Variants in PEAK1 observed in about 807,000 individuals in gnomAD.
PEAK1 encodes the protein inactive tyrosine-protein kinase PEAK1.
A neutral mutation model predicts 124.7 loss-of-function variants in PEAK1; 54 were observed. The observed-to-expected ratio is 0.43, with a 90% CI of 0.35 to 0.54. The LOEUF (loss-of-function observed/expected upper bound fraction) is 0.54. Ranked by LOEUF, PEAK1 falls within the 20% of genes least tolerant of loss-of-function variation. The probability of loss-of-function intolerance (pLI) is 0.01; values close to 1 mark genes in which losing one functional copy is unlikely to be tolerated. For missense variants in PEAK1, 2,046 were observed against 2,134.5 expected (o/e 0.96, Z 0.82); for synonymous variants, 719 against 760.0 (o/e 0.95, Z 0.89).
chr15:77,350,872 C>G (rs2067166170), intron 2 of PEAK1: 5 of 984,990 alleles, frequency 5.1e-6, no homozygotes, highest in Non-Finnish European at 6.0e-6. Flanking sequence ...CTCCATTTCT[C>G]AATCACCTTG....
intron 1 of PEAK1, chr15:77,404,305 C>T: frequency 1.0e-6 from 1 of 985,380 alleles, no homozygotes. Flanking sequence ...ATTGCATCTT[C>T]TGGGGGGAAA....
intron 6 of PEAK1, among the ~76,000 whole-genome samples, chr15:77,246,305 C>T (rs2060584947): frequency 6.6e-6 from 1 of 152,004 alleles, no homozygotes; most frequent in Admixed American, 6.6e-5. Context: ...CTGTGCCTGG[C>T]CCCTGCTGGA....
At chr15:77,349,816 A>G (rs966654739) in intron 2 of PEAK1, 1 of 985,222 alleles carries the variant, frequency 1.0e-6, no homozygotes, top group Non-Finnish European at 1.2e-6. Flanking sequence ...CTGAGGGGAC[A>G]GCCAGGCTGG....
intron 1 of PEAK1, among the ~76,000 whole-genome samples, chr15:77,410,062 G>GGTGT (rs200497359): frequency 6.8e-6 from 1 of 146,952 alleles, no homozygotes; most frequent in African/African-American, 2.5e-5. Context: ...TTTGTTTTTT[G>GGTGT]GTGTGTGTGT....
At chr15:77,189,293 G>A (rs2057710023) in intron 6 of PEAK1, among the ~76,000 whole-genome samples, 1 of 152,182 alleles carries the variant, frequency 6.6e-6, no homozygotes, top group African/African-American at 2.4e-5. Flanking sequence ...TGAAGAAACT[G>A]AAACTTGCCC....
chr15:77,243,613 G>A (rs1387181397), intron 6 of PEAK1, among the ~76,000 whole-genome samples: 1 of 152,220 alleles, frequency 6.6e-6, no homozygotes, highest in African/African-American at 2.4e-5. Flanking sequence ...CTTGCTTTAA[G>A]GAAAGTGTGA....
chr15:77,174,331 T>C (rs548423306), intron 7 of PEAK1, among the ~76,000 whole-genome samples: 3 of 152,306 alleles, frequency 2.0e-5, no homozygotes, highest in African/African-American at 7.2e-5. Context: ...GAAATATTCA[T>C]TTATTTATAG....
At chr15:77,360,328 A>G (rs568746746) in intron 2 of PEAK1, among the ~76,000 whole-genome samples, 7 of 152,196 alleles carry the variant, frequency 4.6e-5, no homozygotes, top group Non-Finnish European at 5.9e-5. Flanking sequence ...TGAATTAGAC[A>G]ATTGTTTCTT....
intron 1 of PEAK1, chr15:77,404,178 G>A (rs2071608368): frequency 1.0e-6 from 1 of 985,248 alleles, no homozygotes; most frequent in Non-Finnish European, 1.2e-6. Context: ...ATTTTATTGA[G>A]GCAAAGGTTT....
Position 77,200,311 on chromosome 15 carries a change from T to C in PEAK1, c.-114-18271A>G, listed in dbSNP as rs149889088. Among the ~76,000 whole-genome samples, 130 of 152,302 alleles carry C rather than the reference T, an allele frequency of 8.5e-4. 6 individuals are homozygous for C. In the South Asian group the frequency reaches 0.021, roughly 25 times the overall value. ...TCGTACATATAGAATACAAAATAAG[T>C]GTTAATCAACTGTTTATATTATTGA... is the stretch of plus-strand genomic sequence containing the variant. On this transcript the variant is annotated intron_variant, in intron 6 of 9. Coordinates refer to ENST00000682557, the MANE Select transcript of PEAK1 (RefSeq NM_001385026.1).
chr15:77,147,688 G>A (rs1265308525), intron 8 of PEAK1, among the ~76,000 whole-genome samples: 1 of 152,158 alleles, frequency 6.6e-6, no homozygotes, highest in Non-Finnish European at 1.5e-5. Context: ...ACAGATCAGA[G>A]TTCATTAAGT....
intron 5 of PEAK1, among the ~76,000 whole-genome samples, chr15:77,257,989 T>G (rs2061249909): frequency 6.6e-6 from 1 of 152,236 alleles, no homozygotes; most frequent in Admixed American, 6.5e-5. Flanking sequence ...TAGGGAATCC[T>G]TTCCCCATTG....
intron 1 of PEAK1, among the ~76,000 whole-genome samples, chr15:77,411,541 T>G (rs183951838): frequency 5.3e-5 from 8 of 152,332 alleles, no homozygotes; most frequent in African/African-American, 1.9e-4. Flanking sequence ...GGTGTTTAAA[T>G]ATAGCTGACA....
chr15:77,268,544 G>T (rs1405687323), intron 5 of PEAK1, among the ~76,000 whole-genome samples: 1 of 151,824 alleles, frequency 6.6e-6, no homozygotes, highest in Admixed American at 6.6e-5. Context: ...AAGAATAATT[G>T]GTGTTTCTGG....
intron 5 of PEAK1, among the ~76,000 whole-genome samples, chr15:77,266,336 C>A (rs2061729465): frequency 6.6e-6 from 1 of 151,954 alleles, no homozygotes; most frequent in African/African-American, 2.4e-5. Context: ...GTATTTACTC[C>A]ACAGAGTGGG....
At chr15:77,393,639 C>T (rs1169493555) in intron 1 of PEAK1, among the ~76,000 whole-genome samples, 1 of 152,204 alleles carries the variant, frequency 6.6e-6, no homozygotes, top group East Asian at 1.9e-4. Flanking sequence ...CTAGGCAGTA[C>T]TTGCCAAGGG....
intron 6 of PEAK1, among the ~76,000 whole-genome samples, chr15:77,243,773 C>T (rs1319991195): frequency 6.6e-6 from 1 of 152,156 alleles, no homozygotes; most frequent in Non-Finnish European, 1.5e-5. Context: ...AGTACTAGAC[C>T]AGCCTGACCA....
intron 5 of PEAK1, among the ~76,000 whole-genome samples, chr15:77,260,232 T>A (rs2061370185): frequency 6.6e-6 from 1 of 152,196 alleles, no homozygotes; most frequent in African/African-American, 2.4e-5. Flanking sequence ...AAGGAATGTT[T>A]AAGCCTAGAA....
intron 5 of PEAK1, among the ~76,000 whole-genome samples, chr15:77,275,856 T>G (rs62008434): frequency 0.3 from 44,668 of 151,306 alleles, 7,179 homozygotes; most frequent in Middle Eastern, 0.4. Flanking sequence ...TACCAACACG[T>G]TGGAAACAAA....
Sources: allele counts gnomAD v4.1 joint callset (sites outside exome capture counted in the v4.1 genomes callset), GRCh38; gene constraint gnomAD v4.1.1; transcripts MANE v1.5; gene names NCBI Gene and HGNC (gene_info 2026-07-23, HGNC 2026-07-21).